TMEM272: variants seen among roughly 807,000 people sequenced by gnomAD.
TMEM272 encodes the protein transmembrane protein 272.
In TMEM272, 8 loss-of-function variants were observed where a neutral mutation model predicts 3.7. The ratio of observed to expected loss-of-function variants is 2.17; its 90% CI spans 1.27 to 3.91. The LOEUF (loss-of-function observed/expected upper bound fraction) is 3.91. Ranked by LOEUF, TMEM272 falls within the 30% of genes most tolerant of loss-of-function variation. The pLI is 0.00. For synonymous variants in TMEM272, 63 were observed against 39.8 expected, an observed-to-expected ratio of 1.58 and a Z score of -2.20; for missense variants, 166 against 91.5, an observed-to-expected ratio of 1.81 and a Z score of -3.32.
upstream of TMEM272, among the ~76,000 whole-genome samples, chr13:51,850,072 A>AG (rs1566361902): frequency 6.6e-6 from 1 of 152,200 alleles, no homozygotes. Flanking sequence ...AGCTGGGTGT[A>AG]GGGGTGTGTG....
the TMEM272 span, among the ~76,000 whole-genome samples, chr13:51,920,304 G>A: frequency 6.6e-6 from 1 of 152,152 alleles, no homozygotes; most frequent in Non-Finnish European, 1.5e-5. Context: ...AGACTTGACA[G>A]AGAAAAGATA....
At position 51,813,578 on chromosome 13, in the gene TMEM272, C is replaced by T. The variant is rs1955987421; in HGVS notation, c.*3173G>A. The stretch of plus-strand genomic sequence containing the variant: ...GCTGTATGTGTGGCCCGAGTGCACA[C>T]ATGCGGTTTCTCTGGCCACCGAATC... On this transcript the variant is annotated 3_prime_UTR_variant, in exon 5 of 5. Coordinates refer to ENST00000629372, the MANE Select transcript of TMEM272 (RefSeq NM_001351003.2). The T allele has an allele frequency of 7.6e-6, 2 of 263,962 alleles. No individual in the cohort carries two copies. Among genetic ancestry groups the T allele is most frequent in the Admixed American group, 5.4e-5 (1 of 18,450 alleles). The allele number at this position is 263,962 out of a possible 1,614,324, so 16.4% of individuals were successfully genotyped here. A position where few individuals can be genotyped will look rare whatever the true frequency, so the allele number is the denominator to read the frequency against.
chr13:51,917,000 C>G, the TMEM272 span, among the ~76,000 whole-genome samples: 1 of 152,184 alleles, frequency 6.6e-6, no homozygotes, highest in Admixed American at 6.5e-5. Flanking sequence ...TTCCCTTATG[C>G]GGAGGAGGAC....
At chr13:51,869,401 G>A in the TMEM272 span, among the ~76,000 whole-genome samples, 1 of 152,042 alleles carries the variant, frequency 6.6e-6, no homozygotes, top group African/African-American at 2.4e-5. Flanking sequence ...AATGGGGCTA[G>A]CTCCACCCTT....
chr13:51,843,415 T>C (rs1455864098), intron 1 of TMEM272, among the ~76,000 whole-genome samples: 1 of 152,172 alleles, frequency 6.6e-6, no homozygotes, highest in Admixed American at 6.5e-5. Context: ...TTGGAGCCCT[T>C]TGAAGCGGCA....
the TMEM272 span, among the ~76,000 whole-genome samples, chr13:51,870,933 A>C: frequency 1.3e-5 from 2 of 152,250 alleles, no homozygotes; most frequent in Non-Finnish European, 1.5e-5. Flanking sequence ...CAGGGTCCTT[A>C]AACTGCAGAT....
the TMEM272 span, among the ~76,000 whole-genome samples, chr13:51,906,583 T>C: frequency 6.6e-6 from 1 of 152,196 alleles, no homozygotes; most frequent in Non-Finnish European, 1.5e-5. Flanking sequence ...TAATAAAGCA[T>C]CTGCATTTCT....
At chr13:51,854,251 G>A in the TMEM272 span, among the ~76,000 whole-genome samples, 2 of 152,084 alleles carry the variant, frequency 1.3e-5, no homozygotes, top group Non-Finnish European at 2.9e-5. Flanking sequence ...AGGCTTACCC[G>A]AAATAGCAAA....
chr13:51,880,856 G>A, the TMEM272 span, among the ~76,000 whole-genome samples: 4 of 152,166 alleles, frequency 2.6e-5, no homozygotes, highest in Non-Finnish European at 4.4e-5. Context: ...TACTGCTCGG[G>A]TGATGAGTGC....
At chr13:51,880,257 A>T in the TMEM272 span, among the ~76,000 whole-genome samples, 68,542 of 144,874 alleles carry the variant, frequency 0.47, 17,073 homozygotes, top group Non-Finnish European at 0.56. Flanking sequence ...GTTGACTTTC[A>T]AATTCAATTC....
chr13:51,911,879 C>T, the TMEM272 span, among the ~76,000 whole-genome samples: 1 of 152,120 alleles, frequency 6.6e-6, no homozygotes, highest in Non-Finnish European at 1.5e-5. Context: ...CTCCCTCCCA[C>T]TGCTCTGCTT....
At chr13:51,879,180 G>A in the TMEM272 span, among the ~76,000 whole-genome samples, 1 of 152,114 alleles carries the variant, frequency 6.6e-6, no homozygotes. Flanking sequence ...GTCTGCAGGA[G>A]GAAAAAAAGA....
upstream of TMEM272, among the ~76,000 whole-genome samples, chr13:51,849,025 C>T (rs1401251029): frequency 6.6e-6 from 1 of 152,168 alleles, no homozygotes; most frequent in East Asian, 1.9e-4. Flanking sequence ...GGGTCCCTCA[C>T]TTCGACTTCT....
At chr13:51,930,300 T>C in the TMEM272 span, 2 of 152,236 alleles carry the variant, frequency 1.3e-5, no homozygotes, top group African/African-American at 4.8e-5. Flanking sequence ...TGTTTATTCA[T>C]CTTCCTGAAT....
chr13:51,873,241 A>ATAT, the TMEM272 span, among the ~76,000 whole-genome samples: 2 of 152,258 alleles, frequency 1.3e-5, no homozygotes, highest in Admixed American at 1.3e-4. Flanking sequence ...CAACAGTTAC[A>ATAT]TATTAATGTC....
At chr13:51,858,463 A>C in the TMEM272 span, among the ~76,000 whole-genome samples, 1 of 152,240 alleles carries the variant, frequency 6.6e-6, no homozygotes, top group Non-Finnish European at 1.5e-5. Flanking sequence ...GAAAATCCCC[A>C]TATATTTGGA....
chr13:51,910,966 A>G, the TMEM272 span, among the ~76,000 whole-genome samples: 1 of 152,260 alleles, frequency 6.6e-6, no homozygotes, highest in Non-Finnish European at 1.5e-5. Flanking sequence ...AGTCTTGTGC[A>G]TGAGCCCAGG....
chr13:51,898,133 G>A, the TMEM272 span, among the ~76,000 whole-genome samples: 7 of 151,826 alleles, frequency 4.6e-5, no homozygotes, highest in African/African-American at 1.5e-4. Flanking sequence ...CAGGAGAATC[G>A]CTTGAACCTG....
chr13:51,872,914 C>T, the TMEM272 span, among the ~76,000 whole-genome samples: 2 of 152,158 alleles, frequency 1.3e-5, no homozygotes, highest in Admixed American at 1.3e-4. Context: ...TCTCAATTCA[C>T]ACGAATGCCC....
Sources: allele counts gnomAD v4.1 joint callset (sites outside exome capture counted in the v4.1 genomes callset), GRCh38; gene constraint gnomAD v4.1.1; transcripts MANE v1.5; gene names NCBI Gene and HGNC (gene_info 2026-07-23, HGNC 2026-07-21).